DIAPH2: variants seen among roughly 807,000 people sequenced by gnomAD.
DIAPH2 encodes the protein protein diaphanous homolog 2.
In DIAPH2, 35 loss-of-function variants were observed where a neutral mutation model predicts 92.7. That is an observed-to-expected ratio of 0.38 (90% CI 0.29 to 0.50). DIAPH2 has a LOEUF of 0.50. Ranked by LOEUF, DIAPH2 falls within the 20% of genes least tolerant of loss-of-function variation. DIAPH2 has a pLI of 0.94. For missense variants in DIAPH2, 701 were observed against 819.5 expected (o/e 0.86, Z 1.77); for synonymous variants, 301 against 280.4 (o/e 1.07, Z -0.73).
chrX:97,482,521 A>G (rs1489741967), intron 26 of DIAPH2, among the ~76,000 whole-genome samples: 2 of 111,945 alleles, frequency 1.8e-5, no homozygotes, highest in Admixed American at 9.5e-5. Context: ...ATTTGATACA[A>G]TGCAGCTGCC....
chrX:96,718,800 C>G (rs945758394), intron 1 of DIAPH2, among the ~76,000 whole-genome samples: 2 of 111,868 alleles, frequency 1.8e-5, no homozygotes, highest in Non-Finnish European at 3.8e-5. Context: ...ATATACTCAG[C>G]TGTGGCATTG....
intron 25 of DIAPH2, among the ~76,000 whole-genome samples, chrX:97,393,234 A>G (rs922664605): frequency 2.7e-5 from 3 of 111,779 alleles, no homozygotes; most frequent in Non-Finnish European, 5.6e-5. Flanking sequence ...GAAGATGGTA[A>G]CAGGAAGGAA....
chrX:97,284,329 G>C (rs2068522152), intron 23 of DIAPH2, among the ~76,000 whole-genome samples: 1 of 110,912 alleles, frequency 9.0e-6, no homozygotes, highest in African/African-American at 3.3e-5. Flanking sequence ...AAGATTCCTG[G>C]GCTAGGCACA....
chrX:97,551,580 C>A (rs2071219673), intron 26 of DIAPH2, among the ~76,000 whole-genome samples: 1 of 102,926 alleles, frequency 9.7e-6, no homozygotes, highest in South Asian at 4.4e-4. Flanking sequence ...GCAACAAGAA[C>A]GAGACTCCGT....
At chrX:97,065,679 A>G (rs1007472039) in intron 17 of DIAPH2, among the ~76,000 whole-genome samples, 39 of 111,495 alleles carry the variant, frequency 3.5e-4, no homozygotes, top group African/African-American at 1.3e-3. Context: ...GTTAAAAAAA[A>G]AAAAAGTTAA....
intron 22 of DIAPH2, among the ~76,000 whole-genome samples, chrX:97,228,674 A>T (rs1017221644): frequency 1.8e-5 from 2 of 111,834 alleles, no homozygotes; most frequent in Non-Finnish European, 3.8e-5. Flanking sequence ...AATGAATAAA[A>T]TCTCAAATAA....
chrX:96,909,278 C>T (rs2065454420), intron 5 of DIAPH2, among the ~76,000 whole-genome samples: 1 of 111,133 alleles, frequency 9.0e-6, no homozygotes, highest in African/African-American at 3.3e-5. Flanking sequence ...CCCACATGCT[C>T]ACATACAGGA....
chrX:96,715,122 G>T (rs2063942046), intron 1 of DIAPH2, among the ~76,000 whole-genome samples: 1 of 112,111 alleles, frequency 8.9e-6, no homozygotes, highest in Non-Finnish European at 1.9e-5. Flanking sequence ...GAATTAGAGA[G>T]TTCTGTATCT....
intron 23 of DIAPH2, among the ~76,000 whole-genome samples, chrX:97,322,564 G>A (rs1292734327): frequency 1.8e-5 from 2 of 111,321 alleles, no homozygotes; most frequent in Admixed American, 9.6e-5. Flanking sequence ...GTGCCTGAAG[G>A]CATACACAAA....
chrX:96,737,718 G>A (rs953042816), intron 2 of DIAPH2, among the ~76,000 whole-genome samples: 1 of 111,659 alleles, frequency 9.0e-6, no homozygotes, highest in African/African-American at 3.3e-5. Flanking sequence ...TCAGTGGTTC[G>A]AAGTCAATAT....
At chrX:96,818,222 G>A (rs1181002885) in intron 4 of DIAPH2, among the ~76,000 whole-genome samples, 1 of 108,392 alleles carries the variant, frequency 9.2e-6, no homozygotes, top group Non-Finnish European at 1.9e-5. Context: ...CTTGTGATCA[G>A]CCCACCTCGG....
chrX:97,232,269 C>G (rs989649087), intron 22 of DIAPH2, among the ~76,000 whole-genome samples: 1 of 111,799 alleles, frequency 8.9e-6, no homozygotes, highest in African/African-American at 3.3e-5. Context: ...GAGTCTCGCT[C>G]TGTCACCCAG....
chrX:96,749,931 G>A (rs1354118979), intron 3 of DIAPH2, among the ~76,000 whole-genome samples: 1 of 110,882 alleles, frequency 9.0e-6, no homozygotes, highest in African/African-American at 3.3e-5. Flanking sequence ...GGGTCTGTCT[G>A]TGTGGCTTTT....
chrX:97,127,048 G>C (rs1365245525), intron 21 of DIAPH2, among the ~76,000 whole-genome samples: 1 of 112,026 alleles, frequency 8.9e-6, no homozygotes, highest in Non-Finnish European at 1.9e-5. Context: ...TTAAATATTA[G>C]TATTTTAAAT....
At chrX:96,994,383 G>GA (rs777265045) in intron 17 of DIAPH2, among the ~76,000 whole-genome samples, 1 of 111,518 alleles carries the variant, frequency 9.0e-6, no homozygotes, top group Non-Finnish European at 1.9e-5. Context: ...GGATGAATGG[G>GA]AAAAACAAAA....
At chrX:97,082,786 C>G (rs1602329689) in intron 19 of DIAPH2, among the ~76,000 whole-genome samples, 1 of 111,578 alleles carries the variant, frequency 9.0e-6, no homozygotes, top group South Asian at 3.7e-4. Flanking sequence ...AGGCTACTTC[C>G]AGACAAAAAG....
chrX:96,732,449 GTAT>G (rs2064061627), intron 1 of DIAPH2, among the ~76,000 whole-genome samples: 1 of 111,510 alleles, frequency 9.0e-6, no homozygotes, highest in African/African-American at 3.3e-5. Context: ...GCTTTAAATA[GTAT>G]TATATTTATG....
At chrX:97,173,953 A>G (rs956580575) in intron 22 of DIAPH2, among the ~76,000 whole-genome samples, 2 of 107,489 alleles carry the variant, frequency 1.9e-5, no homozygotes, top group Admixed American at 1.0e-4. Context: ...AATAGTATCT[A>G]ATGGTATCTA....
At chrX:97,451,193 A>C (rs2070355734) in intron 26 of DIAPH2, among the ~76,000 whole-genome samples, 1 of 111,943 alleles carries the variant, frequency 8.9e-6, no homozygotes, top group African/African-American at 3.2e-5. Context: ...TAGAGCTTTA[A>C]AGTGTTTAAA....
Sources: gnomAD v4.1 joint callset for allele counts (sites outside exome capture counted in the v4.1 genomes callset) on GRCh38, gnomAD v4.1.1 for gene constraint, MANE v1.5 for transcripts, NCBI Gene and HGNC (gene_info 2026-07-23, HGNC 2026-07-21) for gene names.